The following FAM153A variants were observed in gnomAD, a reference collection of about 807,000 sequenced individuals.
FAM153A encodes the protein protein FAM153A.
A neutral mutation model predicts 48.1 loss-of-function variants in FAM153A; 12 were observed. That is an observed-to-expected ratio of 0.25 (90% CI 0.16 to 0.40). FAM153A has a LOEUF of 0.40. FAM153A is among the 10% of genes least tolerant of loss of function. The pLI is 1.00. For missense variants in FAM153A, 111 were observed against 345.8 expected (o/e 0.32, Z 5.38); for synonymous variants, 36 against 118.2 (o/e 0.30, Z 4.51).
In FAM153A at chr5:177,715,261, C is replaced by T. The variant is rs1284139113; in HGVS notation, c.*1222+1084G>A. Among the ~76,000 whole-genome samples the T allele has an allele frequency of 4.0e-5, 6 of 151,316 alleles. No individual in the cohort carries two copies. The South Asian group carries it at 6.3e-4, about 16-fold the overall frequency. On this transcript the variant is annotated intron_variant and NMD_transcript_variant, in intron 25 of 26. Coordinates refer to the FAM153A transcript ENST00000360669. ...CCTCCCAAAGTGCTGAGATTACAGG[C>T]GTGAGCCACCGCACCCGGCCATCTC... is the stretch of plus-strand genomic sequence containing the variant.
chr5:177,770,097 A>G (rs1769029841), intron 1 of FAM153A, among the ~76,000 whole-genome samples: 2 of 131,508 alleles, frequency 1.5e-5, no homozygotes, highest in African/African-American at 6.1e-5. Flanking sequence ...TCATCCCTCA[A>G]AGGAAGAGGA....
At chr5:177,700,761 C>G in the FAM153A span, among the ~76,000 whole-genome samples, 1 of 151,858 alleles carries the variant, frequency 6.6e-6, no homozygotes, top group Admixed American at 6.5e-5. Context: ...AAGATCACAC[C>G]ATTGCACTCC....
intron 25 of FAM153A, among the ~76,000 whole-genome samples, chr5:177,716,012 T>C (rs1292172720): frequency 2.1e-5 from 3 of 143,392 alleles, no homozygotes; most frequent in African/African-American, 8.0e-5. Context: ...TCAGATGGAG[T>C]CTTGCTCTGT....
downstream of FAM153A, among the ~76,000 whole-genome samples, chr5:177,707,757 C>T (rs1178169459): frequency 6.6e-6 from 1 of 151,746 alleles, no homozygotes; most frequent in East Asian, 1.9e-4. Flanking sequence ...GATGGGGTTT[C>T]ACCATGTTGG....
At chr5:177,753,074 A>C in intron 1 of FAM153A, 1 of 787,834 alleles carries the variant, frequency 1.3e-6, no homozygotes, top group Non-Finnish European at 2.1e-6. Flanking sequence ...GTAGACAAAT[A>C]GGAGCTGGGG....
chr5:177,755,297 A>T (rs1259994340), upstream of FAM153A, among the ~76,000 whole-genome samples: 1 of 146,958 alleles, frequency 6.8e-6, no homozygotes, highest in Non-Finnish European at 1.5e-5. Context: ...AAAGAATAAA[A>T]AGAAACAAAC....
chr5:177,755,543 C>T (rs939295637), upstream of FAM153A, among the ~76,000 whole-genome samples: 6 of 151,582 alleles, frequency 4.0e-5, no homozygotes, highest in Admixed American at 1.3e-4. Flanking sequence ...TCAGATTCAC[C>T]AAAGCTGAAA....
chr5:177,702,110 G>A, the FAM153A span, among the ~76,000 whole-genome samples: 20 of 151,726 alleles, frequency 1.3e-4, no homozygotes, highest in African/African-American at 3.2e-4. Context: ...GGGTTTCACC[G>A]TGTTAGCCAG....
At chr5:177,760,252 T>TTTTTTTTTTA (rs1339870033) in intron 1 of FAM153A, among the ~76,000 whole-genome samples, 1 of 120,494 alleles carries the variant, frequency 8.3e-6, no homozygotes, top group African/African-American at 3.4e-5. Context: ...TTTTTTTTTT[T>TTTTTTTTTTA]TTGAGATGGA....
intron 1 of FAM153A, among the ~76,000 whole-genome samples, chr5:177,779,007 T>C (rs571376272): frequency 2.2e-5 from 3 of 137,658 alleles, no homozygotes; most frequent in Non-Finnish European, 4.7e-5. Context: ...TGATAATAAA[T>C]TAATTGTGCA....
chr5:177,696,174 A>T, the FAM153A span, among the ~76,000 whole-genome samples: 2 of 94,382 alleles, frequency 2.1e-5, no homozygotes, highest in South Asian at 7.1e-4. Context: ...GGCACTCCTC[A>T]CTTCCTAGAT....
intron 10 of FAM153A, among the ~76,000 whole-genome samples, chr5:177,738,821 T>G (rs1265202488): frequency 1.3e-5 from 2 of 151,702 alleles, no homozygotes; most frequent in Admixed American, 6.6e-5. Context: ...TCTGGAGAAA[T>G]GTACACATCC....
At chr5:177,704,278 C>T (rs1156403557), downstream of FAM153A, among the ~76,000 whole-genome samples, 3 of 70,948 alleles carry the variant, frequency 4.2e-5, no homozygotes, top group African/African-American at 1.6e-4. Context: ...TGTTTGAGGT[C>T]GGGCATGGTG....
upstream of FAM153A, among the ~76,000 whole-genome samples, chr5:177,755,610 A>C (rs1767649474): frequency 1.3e-5 from 2 of 151,842 alleles, no homozygotes. Flanking sequence ...CCACAAAGGG[A>C]AGCCCATCAG....
the FAM153A span, among the ~76,000 whole-genome samples, chr5:177,702,065 G>A: frequency 4.6e-5 from 7 of 151,584 alleles, no homozygotes; most frequent in Non-Finnish European, 7.4e-5. Context: ...CCGCCATCAC[G>A]CCCGGCTAAT....
chr5:177,698,072 T>C, the FAM153A span, among the ~76,000 whole-genome samples: 1 of 151,512 alleles, frequency 6.6e-6, no homozygotes, highest in African/African-American at 2.4e-5. Flanking sequence ...TGGGCAACTG[T>C]GGGCTCTCCC....
the FAM153A span, among the ~76,000 whole-genome samples, chr5:177,702,775 C>T: frequency 1.2e-4 from 19 of 152,044 alleles, 1 homozygote; most frequent in African/African-American, 4.6e-4. Flanking sequence ...TCAGAGGGTG[C>T]AAGCCATAAG....
chr5:177,706,553 C>T (rs1400643142), downstream of FAM153A, among the ~76,000 whole-genome samples: 4 of 151,916 alleles, frequency 2.6e-5, no homozygotes, highest in Admixed American at 6.6e-5. Context: ...TTAGACAAAA[C>T]GTAGTTTTAG....
At chr5:177,709,693 C>T, downstream of FAM153A, among the ~76,000 whole-genome samples, 1 of 127,834 alleles carries the variant, frequency 7.8e-6, no homozygotes, top group Non-Finnish European at 1.7e-5. Context: ...TTTTTTTGAC[C>T]AAGTTTTGCT....
Sources: gnomAD v4.1 joint callset for allele counts (sites outside exome capture counted in the v4.1 genomes callset) on GRCh38, gnomAD v4.1.1 for gene constraint, MANE v1.5 for transcripts, NCBI Gene and HGNC (gene_info 2026-07-23, HGNC 2026-07-21) for gene names.